Variants in CFAP251 observed in about 807,000 individuals in gnomAD.
The protein encoded by CFAP251 is cilia- and flagella-associated protein 251.
In CFAP251, 93 loss-of-function variants were observed where a neutral mutation model predicts 126.7. The observed-to-expected ratio is 0.73, with a 90% confidence interval of 0.62 to 0.87. The LOEUF (loss-of-function observed/expected upper bound fraction) is 0.87, where lower values mean the gene tolerates loss of function less well. Ranked by LOEUF, CFAP251 falls within the 40% of genes least tolerant of loss-of-function variation. The pLI is 0.00. For synonymous variants in CFAP251, 503 were observed against 506.9 expected (o/e 0.99, Z 0.10); for missense variants, 1,287 against 1,389.2 (o/e 0.93, Z 1.17).
In CFAP251 at chr12:121,942,682, C is replaced by A. The variant is rs1172435240; in HGVS notation, c.1110+37C>A. 2.0e-6 allele frequency: 3 copies of A among 1,530,008 alleles called. No homozygotes were observed. In the African/African-American group the frequency reaches 4.1e-5, roughly 21 times the overall value. The allele number at this position is 1,530,008 out of a possible 1,614,324, so 94.8% of individuals were successfully genotyped here. ...GGCCCTTTGGGTCAGCATCAGCGAG[C>A]TGGCCGACCTGTGCAGCGTGTCCCC... On this transcript the variant is annotated intron_variant, in intron 6 of 21. Coordinates refer to ENST00000288912, the MANE Select transcript of CFAP251 (RefSeq NM_144668.6).
At chr12:121,929,717 GC>G (rs755750840) in intron 3 of CFAP251, among the ~76,000 whole-genome samples, 7 of 149,270 alleles carry the variant, frequency 4.7e-5, no homozygotes, top group Non-Finnish European at 8.9e-5. Context: ...TTGCTCTGTT[GC>G]CCAGGCTGGA....
chr12:121,936,097 A>T (rs1382471706), intron 5 of CFAP251, among the ~76,000 whole-genome samples: 1 of 152,192 alleles, frequency 6.6e-6, no homozygotes, highest in Non-Finnish European at 1.5e-5. Context: ...ACAGAAAATG[A>T]GAGGGGGCCT....
At chr12:121,987,687 C>T (rs1160194494) in intron 19 of CFAP251, among the ~76,000 whole-genome samples, 1 of 149,946 alleles carries the variant, frequency 6.7e-6, no homozygotes, top group Non-Finnish European at 1.5e-5. Context: ...TGCACTCCAG[C>T]CTGGGCAAGA....
intron 19 of CFAP251, among the ~76,000 whole-genome samples, chr12:121,988,976 T>C (rs1336780169): frequency 6.6e-6 from 1 of 152,108 alleles, no homozygotes; most frequent in Admixed American, 6.6e-5. Flanking sequence ...CCTCAAATGA[T>C]CCACCCAACT....
chr12:121,969,339 C>CT, intron 17 of CFAP251: 1 of 985,398 alleles, frequency 1.0e-6, no homozygotes, highest in Non-Finnish European at 1.2e-6. Context: ...ATCTTGGGAA[C>CT]TTGAGGATTT....
chr12:121,965,292 G>A (rs1882082324), intron 15 of CFAP251, among the ~76,000 whole-genome samples: 1 of 152,206 alleles, frequency 6.6e-6, no homozygotes, highest in Non-Finnish European at 1.5e-5. Context: ...ATAGTGCTTA[G>A]CATTGGCAAG....
rs200450305 is a variant in CFAP251 at position 121,928,702 on chromosome 12, A to ATT, written c.748-3043_748-3042insTT. 3.0e-3 allele frequency among the ~76,000 whole-genome samples: 162 copies of ATT among 54,302 alleles called. 8 individuals carry two copies. Among genetic ancestry groups the ATT allele is most frequent in the African/African-American group, 6.9e-3 (143 of 20,792 alleles). 35.6% of individuals were successfully genotyped at this position (54,302 alleles called of 152,430 possible). ...TATATATATATACGTATATATATAT[A>ATT]TATTTTTTTTTTGAGACAGGGTCTT... On this transcript the variant is annotated intron_variant, in intron 3 of 21. Coordinates refer to ENST00000288912, the MANE Select transcript of CFAP251 (RefSeq NM_144668.6).
chr12:121,934,312 C>A lies in CFAP251; in HGVS notation c.954C>A (p.Asp318Glu). The A allele has an allele frequency of 6.2e-7, 1 of 1,614,052 alleles. No homozygotes were observed. The highest frequency in any genetic ancestry group is 8.5e-7 in the Non-Finnish European group (1 of 1,179,996). ...SEDRRWIATA[D>E]KGPDCLVIIW... The stretch of plus-strand genomic sequence containing the variant: ...ACAGGCGGTGGATCGCCACAGCAGA[C>A]AAAGGGCCAGACTGCCTGGTGATTA... Residue 318 changes from aspartate to glutamate, a missense_variant, in exon 5 of 22, where the codon GAC becomes GAA. Coordinates refer to ENST00000288912, the MANE Select transcript of CFAP251 (RefSeq NM_144668.6).
rs752775799 is a variant in CFAP251 at position 121,962,182 on chromosome 12, C to T, written c.2492+20C>T. ...GTGCAGGTAAGCACCCGGAGCTTCC[C>T]ATTGCAGGGGGCGTGGATCAAGTTC... On this transcript the variant is annotated intron_variant, in intron 15 of 21. Transcript: ENST00000288912. The T allele has an allele frequency of 2.5e-6, 4 of 1,608,214 alleles. No individual in the cohort carries two copies. The highest frequency in any genetic ancestry group is 1.1e-5 in the South Asian group (1 of 90,212).
In CFAP251 at chr12:121,952,202, G is replaced by A. The variant is rs375138463; in HGVS notation, c.1320+672G>A. ...GGATCACTTGAGCTCAGGAGTTTGA[G>A]ACCAGCCTGGGCAACACAGGCTAGA... is the stretch of plus-strand genomic sequence containing the variant. On this transcript the variant is annotated intron_variant, in intron 9 of 21. Coordinates refer to ENST00000288912, the MANE Select transcript of CFAP251 (RefSeq NM_144668.6). Among the ~76,000 whole-genome samples the A allele has an allele frequency of 3.7e-4, 52 of 138,956 alleles. 1 individual carries two copies. The South Asian group carries it at 0.012, about 32-fold the overall frequency. The allele number at this position is 138,956 out of a possible 152,430, so 91.2% of individuals were successfully genotyped here.
intron 3 of CFAP251, among the ~76,000 whole-genome samples, chr12:121,928,647 TATATATATAC>T (rs1880527874): frequency 2.5e-5 from 1 of 39,508 alleles, no homozygotes; most frequent in African/African-American, 4.9e-5. Context: ...CGTATATATA[TATATATATAC>T]GTATATATAT....
intron 19 of CFAP251, among the ~76,000 whole-genome samples, chr12:121,981,968 G>A (rs1394402944): frequency 6.6e-6 from 1 of 152,042 alleles, no homozygotes; most frequent in Non-Finnish European, 1.5e-5. Flanking sequence ...TACAGTACAC[G>A]GCACACGTTA....
intron 9 of CFAP251, 120 bp downstream of exon 9, chr12:121,951,650 T>C (rs1881530550): frequency 1.5e-6 from 1 of 664,004 alleles, no homozygotes; most frequent in South Asian, 2.5e-5. Flanking sequence ...TGGGAAATAA[T>C]TTGAAAAATT....
intron 7 of CFAP251, chr12:121,948,655 G>A (rs974444644): frequency 1.7e-5 from 3 of 181,768 alleles, no homozygotes; most frequent in Non-Finnish European, 3.4e-5. Flanking sequence ...AGGAGATAGA[G>A]GCTGCAGTGA....
intron 10 of CFAP251, among the ~76,000 whole-genome samples, chr12:121,955,049 T>A (rs1324012028): frequency 6.6e-6 from 1 of 152,204 alleles, no homozygotes; most frequent in African/African-American, 2.4e-5. Flanking sequence ...ACGCCTGTAA[T>A]CCCAGCATTT....
chr12:122,001,961 G>A (rs929329402), intron 21 of CFAP251: 10 of 257,092 alleles, frequency 3.9e-5, no homozygotes, highest in African/African-American at 1.7e-4. Flanking sequence ...CATGGCTCAC[G>A]CCTGTAATTC....
rs1881758453 is a variant in CFAP251 at position 121,957,272 on chromosome 12, A to G, written c.1730+4A>G. ...AAGGTGACCTTTTTGTCTTAAGGTA[A>G]GTTGTTAATGAATCTAGTCATTAGA... On this transcript the variant is annotated splice_donor_region_variant and intron_variant, in intron 11 of 21. Transcript: ENST00000288912. 2.5e-6 allele frequency: 4 copies of G among 1,605,850 alleles called. No individual in the cohort carries two copies. The highest frequency in any genetic ancestry group is 3.4e-6 in the Non-Finnish European group (4 of 1,176,838).
intron 3 of CFAP251, among the ~76,000 whole-genome samples, 186 bp from the exon 4 acceptor site, chr12:121,931,560 G>T (rs1880689842): frequency 1.3e-5 from 2 of 151,968 alleles, no homozygotes; most frequent in Non-Finnish European, 2.9e-5. Context: ...TAATCCACCC[G>T]CCTCAGCCTC....
chr12:121,928,024 A>C (rs749812821), intron 3 of CFAP251, among the ~76,000 whole-genome samples: 2 of 152,208 alleles, frequency 1.3e-5, no homozygotes, highest in Non-Finnish European at 2.9e-5. Flanking sequence ...TGATTTCCAC[A>C]ATTGTGAACG....
Sources: gnomAD v4.1 joint callset for allele counts (sites outside exome capture counted in the v4.1 genomes callset) on GRCh38, gnomAD v4.1.1 for gene constraint, MANE v1.5 for transcripts, NCBI Gene and HGNC (gene_info 2026-07-23, HGNC 2026-07-21) for gene names.